The following ZNF273 variants were observed in gnomAD, a reference collection of about 807,000 sequenced individuals.
ZNF273 encodes zinc finger protein 9.
In ZNF273, 11 loss-of-function variants were observed where a neutral mutation model predicts 14.9. The ratio of observed to expected loss-of-function variants is 0.74; its 90% CI spans 0.46 to 1.22. ZNF273 has a LOEUF of 1.22. Among genes scored for constraint, ZNF273 ranks in the 50% most tolerant of loss-of-function variants. The pLI is 0.00. For synonymous variants in ZNF273, 199 were observed against 223.9 expected (o/e 0.89, Z 0.99); for missense variants, 577 against 660.6 (o/e 0.87, Z 1.39).
downstream of ZNF273, among the ~76,000 whole-genome samples, chr7:64,883,253 A>G (rs2129031398): frequency 6.7e-6 from 1 of 148,216 alleles, no homozygotes; most frequent in Admixed American, 6.7e-5. Context: ...TAGAAAGAAG[A>G]GGAGCACACC....
chr7:64,905,440 T>TTA (rs1474676105), intron 1 of ZNF273, among the ~76,000 whole-genome samples: 1 of 149,290 alleles, frequency 6.7e-6, no homozygotes, highest in Non-Finnish European at 1.5e-5. Flanking sequence ...TTTTTTTTTT[T>TTA]TTGAAAAGCT....
At chr7:64,892,363 G>A (rs1457567576), downstream of ZNF273, among the ~76,000 whole-genome samples, 1 of 152,010 alleles carries the variant, frequency 6.6e-6, no homozygotes, top group African/African-American at 2.4e-5. Context: ...ACAGTGCTTG[G>A]CTCATAGTTA....
chr7:64,880,832 C>T (rs6942695), downstream of ZNF273, among the ~76,000 whole-genome samples: 150,109 of 152,208 alleles, frequency 0.99, 74,056 homozygotes, highest in East Asian at 1. Flanking sequence ...GGCCAGACCC[C>T]AGCAGTCCTG....
upstream of ZNF273, among the ~76,000 whole-genome samples, chr7:64,899,619 G>A (rs1038095568): frequency 6.6e-6 from 1 of 150,454 alleles, no homozygotes; most frequent in Admixed American, 6.6e-5. Context: ...TCTTGCCACT[G>A]CACTCCAGAT....
intron 1 of ZNF273, among the ~76,000 whole-genome samples, chr7:64,913,073 T>C (rs1793689687): frequency 6.6e-6 from 1 of 152,072 alleles, no homozygotes; most frequent in African/African-American, 2.4e-5. Flanking sequence ...AGGTGATCTA[T>C]CCACCTGCCT....
chr7:64,917,144 T>G (rs1230961754), intron 1 of ZNF273: 1 of 1,241,388 alleles, frequency 8.1e-7, no homozygotes, highest in Non-Finnish European at 1.0e-6. Context: ...ATTTGGAAAC[T>G]CAGACTTTAT....
At chr7:64,909,807 CT>C (rs145476800) in intron 1 of ZNF273, among the ~76,000 whole-genome samples, 5,433 of 146,658 alleles carry the variant, frequency 0.037, 134 homozygotes, top group Middle Eastern at 0.083. Flanking sequence ...TATAAGTATT[CT>C]TTTTTTTTTG....
At chr7:64,931,499 G>A (rs1794992086), downstream of ZNF273, among the ~76,000 whole-genome samples, 1 of 152,174 alleles carries the variant, frequency 6.6e-6, no homozygotes, top group Non-Finnish European at 1.5e-5. Context: ...ATTTTTAGAT[G>A]TAATTTTACT....
chr7:64,910,280 T>A (rs1395670923), intron 1 of ZNF273, among the ~76,000 whole-genome samples: 1 of 152,226 alleles, frequency 6.6e-6, no homozygotes, highest in Non-Finnish European at 1.5e-5. Context: ...TTTCCTAGGT[T>A]ATCTTCCAGG....
In ZNF273 at chr7:64,928,759, G is replaced by C; in HGVS notation, c.1431G>C (p.Lys477Asn). Residue 477 changes from lysine (K) to asparagine (N), a missense_variant, in exon 4 of 4, where the codon AAG (lysine) becomes AAC (asparagine). By Grantham distance (94) the Lys-to-Asn change is moderately conservative. Transcript: ENST00000476120. Reference sequence around the variant, plus strand: ...CATTCTCAACCCTTACTGAACATAAGAGAGTTCATACTGGAGAGAAACCTT... The same window carrying C: ...CATTCTCAACCCTTACTGAACATAACAGAGTTCATACTGGAGAGAAACCTT... Reference protein sequence around the residue: ...FRAFSTLTEHKRVHTGEKPYK... With the variant: ...FRAFSTLTEHNRVHTGEKPYK... 3 of 1,613,290 alleles carry C rather than the reference G, an allele frequency of 1.9e-6. No homozygotes were observed. The highest frequency in any genetic ancestry group is 1.7e-6 in the Non-Finnish European group (2 of 1,179,800).
intron 1 of ZNF273, among the ~76,000 whole-genome samples, chr7:64,885,598 C>G (rs895551525): frequency 2.6e-5 from 4 of 152,142 alleles, no homozygotes; most frequent in Admixed American, 6.5e-5. Context: ...TCTAGGTCGC[C>G]CTGGGTTAAT....
In ZNF273 at chr7:64,921,911, G is replaced by A. The variant is rs937519330; in HGVS notation, c.325+3619G>A. ...CCCAAAGTGCTGGGATTACAGGTGA[G>A]AGCTACCATGCCCAGCCACTAATAC... On this transcript the variant is annotated intron_variant, in intron 3 of 3. Transcript: ENST00000476120. Among the ~76,000 whole-genome samples the A allele has an allele frequency of 2.0e-5, 3 of 152,000 alleles. 1 individual carries two copies. The South Asian group carries it at 6.2e-4, about 32-fold the overall frequency.
chr7:64,934,295 AT>A (rs1438854799), downstream of ZNF273, among the ~76,000 whole-genome samples: 3 of 151,944 alleles, frequency 2.0e-5, no homozygotes, highest in South Asian at 4.1e-4. Context: ...GTTGTATCAG[AT>A]TTTTTTCAAC....
At chr7:64,891,545 C>T (rs13239921), downstream of ZNF273, among the ~76,000 whole-genome samples, 63,356 of 152,020 alleles carry the variant, frequency 0.42, 13,423 homozygotes, top group South Asian at 0.45. Context: ...TGCCATGTCA[C>T]CCAGACATCG....
chr7:64,900,294 T>G (rs1030723654), upstream of ZNF273, among the ~76,000 whole-genome samples: 1 of 152,016 alleles, frequency 6.6e-6, no homozygotes, highest in Non-Finnish European at 1.5e-5. Flanking sequence ...GCCGGGCAAT[T>G]TTTGTACTTT....
chr7:64,880,492 G>A (rs1004596366), downstream of ZNF273, among the ~76,000 whole-genome samples: 5 of 152,082 alleles, frequency 3.3e-5, no homozygotes, highest in Non-Finnish European at 7.3e-5. Flanking sequence ...GGCTGCCCGC[G>A]TGTGATGGCG....
intron 1 of ZNF273, among the ~76,000 whole-genome samples, chr7:64,915,227 G>A (rs1257162300): frequency 1.3e-5 from 2 of 152,106 alleles, no homozygotes; most frequent in African/African-American, 2.4e-5. Flanking sequence ...CTTTGTGGCT[G>A]TGGATACTCA....
downstream of ZNF273, among the ~76,000 whole-genome samples, chr7:64,934,671 CTG>C (rs1248194718): frequency 6.6e-6 from 1 of 151,916 alleles, no homozygotes; most frequent in Non-Finnish European, 1.5e-5. Context: ...GCATATGTGT[CTG>C]TTTTTATTCA....
downstream of ZNF273, among the ~76,000 whole-genome samples, chr7:64,931,456 T>G (rs1293792672): frequency 3.3e-5 from 5 of 152,136 alleles, no homozygotes; most frequent in African/African-American, 9.7e-5. Flanking sequence ...AACAATTATT[T>G]TTTTTATAAA....
Sources: gnomAD v4.1 joint callset for allele counts (sites outside exome capture counted in the v4.1 genomes callset) on GRCh38, gnomAD v4.1.1 for gene constraint, MANE v1.5 for transcripts, NCBI Gene and HGNC (gene_info 2026-07-23, HGNC 2026-07-21) for gene names.